NTRK3: variants seen among roughly 807,000 people sequenced by gnomAD.
NTRK3 encodes the protein neurotrophic receptor tyrosine kinase 3, also known as NT-3 growth factor receptor.
In NTRK3, 24 loss-of-function variants were observed where a neutral mutation model predicts 91.7. That is an observed-to-expected ratio of 0.26 (90% CI 0.19 to 0.37). NTRK3 has a LOEUF of 0.37. Ranked by LOEUF, NTRK3 falls within the 10% of genes least tolerant of loss-of-function variation. The pLI, the probability that NTRK3 is intolerant of heterozygous loss-of-function variation, is 1.00. For missense variants in NTRK3, 880 were observed against 1,068.9 expected (o/e 0.82, Z 2.46); for synonymous variants, 483 against 404.0 (o/e 1.20, Z -2.34).
At chr15:88,057,716 G>T (rs1597045782) in intron 13 of NTRK3, among the ~76,000 whole-genome samples, 1 of 152,172 alleles carries the variant, frequency 6.6e-6, no homozygotes, top group South Asian at 2.1e-4. Flanking sequence ...GCTGTGAGCT[G>T]CCGGGAAAAC....
chr15:88,147,206 A>G (rs2042964547), intron 6 of NTRK3, 129 bp downstream of exon 6: 1 of 859,734 alleles, frequency 1.2e-6, no homozygotes, highest in Non-Finnish European at 1.9e-6. Context: ...ACTCTGTGTC[A>G]ACCAACCCAA....
At position 87,956,821 on chromosome 15, in the gene NTRK3, C is replaced by T. The variant is rs186352275; in HGVS notation, c.1586-16068G>A. ...TCCTGACCTCAGGTGATCCACCCGC[C>T]TCAGCCTCCCAAAGTGCTGGGATTA... On this transcript the variant is annotated intron_variant, in intron 14 of 18. Coordinates refer to ENST00000394480, the Ensembl canonical transcript of NTRK3. 1.1e-4 allele frequency among the ~76,000 whole-genome samples: 16 copies of T among 152,344 alleles called. No individual in the cohort carries two copies. In the East Asian group the frequency reaches 2.5e-3, roughly 24 times the overall value.
At chr15:88,137,467 G>T in exon 7 of NTRK3, 1 of 1,614,186 alleles carries the variant, frequency 6.2e-7, no homozygotes, top group South Asian at 1.1e-5. Flanking sequence ...ATGCAGTAGA[G>T]GTTCTGGCTG....
chr15:87,889,826 C>T (rs745420060), intron 17 of NTRK3, among the ~76,000 whole-genome samples: 92 of 151,964 alleles, frequency 6.1e-4, no homozygotes, highest in Non-Finnish European at 8.7e-4. Flanking sequence ...GTCAAAAGTT[C>T]CCAAATGTTT....
At chr15:88,206,517 G>A (rs1351229354) in intron 3 of NTRK3, among the ~76,000 whole-genome samples, 1 of 150,416 alleles carries the variant, frequency 6.6e-6, no homozygotes, top group Non-Finnish European at 1.5e-5. Context: ...AATTAGCCGG[G>A]CGCGGTGGCG....
chr15:87,935,217 G>A (rs1325937494), intron 15 of NTRK3, among the ~76,000 whole-genome samples: 1 of 152,122 alleles, frequency 6.6e-6, no homozygotes, highest in Non-Finnish European at 1.5e-5. Context: ...TAGAAGAGAG[G>A]GTCAGGAAAG....
intron 3 of NTRK3, among the ~76,000 whole-genome samples, chr15:88,202,183 G>C (rs927099714): frequency 6.6e-6 from 1 of 152,146 alleles, no homozygotes; most frequent in African/African-American, 2.4e-5. Flanking sequence ...TTGCCTTCCA[G>C]GTCTTCTCCT....
At chr15:88,020,475 C>G (rs1382303616) in intron 14 of NTRK3, among the ~76,000 whole-genome samples, 2 of 152,102 alleles carry the variant, frequency 1.3e-5, no homozygotes, top group Non-Finnish European at 2.9e-5. Context: ...GAAATAAATC[C>G]AAGCTTGGAA....
Position 88,118,920 on chromosome 15 carries a change from G to A in NTRK3, c.1396+7351C>T, listed in dbSNP as rs563237700. Among the ~76,000 whole-genome samples, 24 of 152,300 alleles carry A rather than the reference G, an allele frequency of 1.6e-4. No individual in the cohort carries two copies. The South Asian group carries it at 3.1e-3, about 20-fold the overall frequency. On this transcript the variant is annotated intron_variant, in intron 13 of 18. Transcript: ENST00000394480. Reference sequence around the variant, plus strand: ...AATGAATCTGAGATGCCATCACTTCGGCTATAGAGCCAAGCATAGTGGTCA... The same window carrying A: ...AATGAATCTGAGATGCCATCACTTCAGCTATAGAGCCAAGCATAGTGGTCA...
chr15:88,183,325 CA>C, intron 5 of NTRK3, 92 bp downstream of exon 5: 1 of 1,342,682 alleles, frequency 7.4e-7, no homozygotes, highest in Non-Finnish European at 1.1e-6. Flanking sequence ...CCCCTGGAGG[CA>C]AAAAGCCAGG....
chr15:88,155,457 G>T (rs752328076), intron 5 of NTRK3, among the ~76,000 whole-genome samples: 4 of 152,214 alleles, frequency 2.6e-5, no homozygotes, highest in Non-Finnish European at 4.4e-5. Flanking sequence ...GACCCATGTT[G>T]AATTTCTGGG....
At chr15:88,171,612 G>A (rs2045526888) in intron 5 of NTRK3, among the ~76,000 whole-genome samples, 1 of 152,146 alleles carries the variant, frequency 6.6e-6, no homozygotes, top group Non-Finnish European at 1.5e-5. Flanking sequence ...ACTGAGAAAG[G>A]TGCTTTATGT....
In NTRK3 at chr15:88,037,398, C is replaced by G. The variant is rs903478394; in HGVS notation, c.1397-4353G>C. On this transcript the variant is annotated intron_variant, in intron 13 of 18. Coordinates refer to ENST00000394480, the Ensembl canonical transcript of NTRK3. The stretch of plus-strand genomic sequence containing the variant: ...CCAACAAGGTGAAACCCAGTCAATA[C>G]TAAAAATACAAAAATTAGCTGGGTG... Among the ~76,000 whole-genome samples, 6 of 152,050 alleles carry G rather than the reference C, an allele frequency of 3.9e-5. No individual in the cohort carries two copies. The South Asian group carries it at 8.3e-4, about 21-fold the overall frequency.
At chr15:88,111,969 C>G (rs991332188) in intron 13 of NTRK3, among the ~76,000 whole-genome samples, 2 of 150,650 alleles carry the variant, frequency 1.3e-5, no homozygotes, top group Admixed American at 1.3e-4. Context: ...TGCAGTGGCA[C>G]GATCTCGGCT....
intron 14 of NTRK3, among the ~76,000 whole-genome samples, chr15:87,987,525 ATGTG>A (rs140007526): frequency 8.1e-5 from 12 of 148,312 alleles, no homozygotes; most frequent in Non-Finnish European, 1.3e-4. Context: ...AGATAGATAG[ATGTG>A]TGTGTGTGTG....
At chr15:88,253,918 A>C (rs1342506406) in intron 3 of NTRK3, among the ~76,000 whole-genome samples, 1 of 152,116 alleles carries the variant, frequency 6.6e-6, no homozygotes, top group Non-Finnish European at 1.5e-5. Flanking sequence ...TGCCCTATGA[A>C]ACTGCTTCCC....
intron 5 of NTRK3, among the ~76,000 whole-genome samples, chr15:88,164,143 G>A (rs1489208956): frequency 6.6e-6 from 1 of 152,190 alleles, no homozygotes; most frequent in East Asian, 1.9e-4. Flanking sequence ...ATCCAGGGAA[G>A]AACTCTTGTC....
exon 19 of NTRK3, chr15:87,863,420 TAC>T (rs2064576739): frequency 4.4e-6 from 1 of 225,442 alleles, no homozygotes; most frequent in Non-Finnish European, 8.8e-6. Context: ...CTGCAGAATT[TAC>T]ACTCTGGGAT....
intron 6 of NTRK3, among the ~76,000 whole-genome samples, chr15:88,144,496 A>C (rs988552811): frequency 6.6e-6 from 1 of 152,040 alleles, no homozygotes; most frequent in Non-Finnish European, 1.5e-5. Flanking sequence ...CGACATCTTG[A>C]GAGGGGCTTC....
Sources: allele counts gnomAD v4.1 joint callset (sites outside exome capture counted in the v4.1 genomes callset), GRCh38; gene constraint gnomAD v4.1.1; transcripts MANE v1.5; gene names NCBI Gene and HGNC (gene_info 2026-07-23, HGNC 2026-07-21).